Variants in WASF3 observed in about 807,000 individuals in gnomAD.
The protein encoded by WASF3 is actin-binding protein WASF3.
In WASF3, 11 loss-of-function variants were observed where a neutral mutation model predicts 46.6. That is an observed-to-expected ratio of 0.24 (90% CI 0.15 to 0.39). The LOEUF (loss-of-function observed/expected upper bound fraction) is 0.39, where lower values mean the gene tolerates loss of function less well. Ranked by LOEUF, WASF3 falls within the 10% of genes least tolerant of loss-of-function variation. The pLI is 1.00. For synonymous variants in WASF3, 242 were observed against 259.7 expected (o/e 0.93, Z 0.65); for missense variants, 576 against 669.8 (o/e 0.86, Z 1.55).
At chr13:26,606,760 G>C (rs1310883321) in intron 1 of WASF3, 3 of 152,054 alleles carry the variant, frequency 2.0e-5, no homozygotes, top group African/African-American at 7.2e-5. Context: ...TCAGTCTCTT[G>C]GTGTCACTGT....
chr13:26,580,694 C>T (rs750351158), intron 1 of WASF3, among the ~76,000 whole-genome samples: 50 of 150,342 alleles, frequency 3.3e-4, no homozygotes, highest in African/African-American at 1.1e-3. Flanking sequence ...GGCACGATCT[C>T]GGCTCACCTC....
intron 1 of WASF3, among the ~76,000 whole-genome samples, chr13:26,591,027 G>A (rs1027075726): frequency 5.5e-5 from 8 of 146,654 alleles, no homozygotes; most frequent in African/African-American, 1.2e-4. Flanking sequence ...ACTGAGCCAC[G>A]CAGGTGTAGG....
chr13:26,643,585 A>C (rs955332719), intron 3 of WASF3, among the ~76,000 whole-genome samples: 1 of 152,248 alleles, frequency 6.6e-6, no homozygotes, highest in African/African-American at 2.4e-5. Flanking sequence ...ACAAATTCAC[A>C]TAATTACATG....
the WASF3 span, among the ~76,000 whole-genome samples, chr13:26,548,545 G>A: frequency 6.6e-6 from 1 of 152,132 alleles, no homozygotes; most frequent in Non-Finnish European, 1.5e-5. Context: ...AAAGTACACA[G>A]AAGCTCTGCA....
chr13:26,597,545 A>T (rs548896466), intron 1 of WASF3, among the ~76,000 whole-genome samples: 1 of 152,014 alleles, frequency 6.6e-6, no homozygotes, highest in South Asian at 2.1e-4. Context: ...GGTTTGTTAC[A>T]TATGTATATA....
rs574910231 is a variant in WASF3, at chr13:26,605,317, T to C, written c.-108-7644T>C. ...AGAAAGTTATTATTATTTTATCTTT[T>C]TATGCCCGTTACAAAGAAGCTCATT... is the stretch of plus-strand genomic sequence containing the variant. On this transcript the variant is annotated intron_variant, in intron 1 of 9. Transcript: ENST00000335327. 1.1e-4 allele frequency among the ~76,000 whole-genome samples: 16 copies of C among 152,338 alleles called. No homozygotes were observed. The South Asian group carries it at 3.3e-3, about 32-fold the overall frequency.
At chr13:26,555,548 T>C (rs1593361995), upstream of WASF3, among the ~76,000 whole-genome samples, 2 of 152,210 alleles carry the variant, frequency 1.3e-5, no homozygotes, top group South Asian at 2.1e-4. Flanking sequence ...CCCAGGAAGA[T>C]GCAGACCCAA....
intron 2 of WASF3, among the ~76,000 whole-genome samples, chr13:26,613,411 AT>A (rs1341139276): frequency 6.6e-6 from 1 of 152,082 alleles, no homozygotes; most frequent in Admixed American, 6.6e-5. Flanking sequence ...AATTTAACCA[AT>A]TCTTTGTTAT....
At chr13:26,636,952 G>A (rs1344671019) in intron 2 of WASF3, among the ~76,000 whole-genome samples, 1 of 152,202 alleles carries the variant, frequency 6.6e-6, no homozygotes, top group Non-Finnish European at 1.5e-5. Flanking sequence ...GGGTCCCTCA[G>A]AACTTCACCG....
chr13:26,647,804 T>C (rs1882194695), intron 3 of WASF3, among the ~76,000 whole-genome samples: 1 of 152,020 alleles, frequency 6.6e-6, no homozygotes, highest in Admixed American at 6.6e-5. Flanking sequence ...ACTATTAAGA[T>C]AATATAGAAA....
intron 3 of WASF3, among the ~76,000 whole-genome samples, chr13:26,662,719 G>C (rs373918414): frequency 6.6e-6 from 1 of 152,156 alleles, no homozygotes; most frequent in South Asian, 2.1e-4. Flanking sequence ...CTGGGTATGG[G>C]ATCATTCATT....
intron 1 of WASF3, among the ~76,000 whole-genome samples, chr13:26,587,176 T>C (rs1880154551): frequency 7.7e-6 from 1 of 130,104 alleles, no homozygotes; most frequent in East Asian, 2.0e-4. Context: ...TTTTTTTTGC[T>C]TTTTTTTTTT....
At chr13:26,621,545 A>G (rs1881306343) in intron 2 of WASF3, among the ~76,000 whole-genome samples, 1 of 151,902 alleles carries the variant, frequency 6.6e-6, no homozygotes, top group African/African-American at 2.4e-5. Flanking sequence ...TTGGACTAGA[A>G]CCCCAGTTCC....
intron 1 of WASF3, among the ~76,000 whole-genome samples, chr13:26,607,634 G>GTTT (rs761942554): frequency 1.3e-5 from 2 of 151,026 alleles, no homozygotes. Context: ...GCAGTTTTTT[G>GTTT]TTTTGTTTTT....
intron 1 of WASF3, among the ~76,000 whole-genome samples, chr13:26,576,692 G>A (rs796567567): frequency 7.9e-5 from 12 of 152,270 alleles, no homozygotes; most frequent in African/African-American, 2.9e-4. Context: ...ATTTTTCATA[G>A]TTTGTTGTTA....
At chr13:26,539,738 C>T in the WASF3 span, among the ~76,000 whole-genome samples, 2 of 152,276 alleles carry the variant, frequency 1.3e-5, no homozygotes, top group South Asian at 2.1e-4. Flanking sequence ...TGAATCTGAC[C>T]AGGTTCCTTG....
rs146018359 is a variant in WASF3 at position 26,674,836 on chromosome 13, C to T, written c.541-1713C>T. ...TTTTGAAAGATAGAATTATATTGCCCGTAATCTTTAAAAGACTGAAGAACT... is the reference window on the plus strand; with the variant it reads ...TTTTGAAAGATAGAATTATATTGCCTGTAATCTTTAAAAGACTGAAGAACT... On this transcript the variant is annotated intron_variant, in intron 6 of 9. Coordinates refer to ENST00000335327, the MANE Select transcript of WASF3 (RefSeq NM_006646.6). Among the ~76,000 whole-genome samples the T allele has an allele frequency of 4.8e-3, 729 of 152,178 alleles. 19 individuals carry two copies. The highest frequency in any genetic ancestry group is 0.041 in the Admixed American group (622 of 15,284).
At chr13:26,668,227 C>T (rs1227943331) in intron 5 of WASF3, among the ~76,000 whole-genome samples, 2 of 152,034 alleles carry the variant, frequency 1.3e-5, no homozygotes, top group Non-Finnish European at 2.9e-5. Context: ...ATAAATAGTG[C>T]AAAAAAATAA....
At chr13:26,594,541 C>G (rs1439342156) in intron 1 of WASF3, among the ~76,000 whole-genome samples, 1 of 152,184 alleles carries the variant, frequency 6.6e-6, no homozygotes, top group East Asian at 1.9e-4. Context: ...TTACTACCGT[C>G]TCCTTTCTGG....
Sources: gnomAD v4.1 joint callset for allele counts (sites outside exome capture counted in the v4.1 genomes callset) on GRCh38, gnomAD v4.1.1 for gene constraint, MANE v1.5 for transcripts, NCBI Gene and HGNC (gene_info 2026-07-23, HGNC 2026-07-21) for gene names.